Variants in SLC14A2 observed in about 807,000 individuals in gnomAD.
SLC14A2 encodes urea transporter 2.
In SLC14A2, 91 loss-of-function variants were observed where a neutral mutation model predicts 104.6. The ratio of observed to expected loss-of-function variants is 0.87; its 90% CI spans 0.73 to 1.04. The LOEUF (loss-of-function observed/expected upper bound fraction) is 1.04. SLC14A2 is among the 50% of genes least tolerant of loss of function. SLC14A2 has a pLI of 0.00. For missense variants in SLC14A2, 1,189 were observed against 1,156.0 expected (o/e 1.03, Z -0.41); for synonymous variants, 476 against 466.4 (o/e 1.02, Z -0.27).
intron 2 of SLC14A2, among the ~76,000 whole-genome samples, chr18:45,514,091 G>A (rs1216041975): frequency 6.6e-6 from 1 of 152,126 alleles, no homozygotes; most frequent in Admixed American, 6.6e-5. Context: ...TTTTTTCCAA[G>A]GATGATATCA....
Position 45,666,189 on chromosome 18 carries a change from T to C in SLC14A2, c.1527T>C (p.Tyr509=). ...GACAAAACAAAGACCCATTTCCCTATCGATACCGGAAGCCCACAGTCGAGC... is the reference window on the plus strand; with the variant it reads ...GACAAAACAAAGACCCATTTCCCTACCGATACCGGAAGCCCACAGTCGAGC... ...QERQNKDPFP[Y]RYRKPTVELL... The change falls in exon 12 of 20, where the codon TAT becomes TAC. Residue 509 remains tyrosine (Y), a synonymous_variant. Transcript: ENST00000255226. 6.2e-7 allele frequency: 1 copy of C among 1,613,874 alleles called. No individual in the cohort carries two copies. The highest frequency in any genetic ancestry group is 8.5e-7 in the Non-Finnish European group (1 of 1,179,802).
chr18:45,638,929 T>C (rs2045470270), intron 6 of SLC14A2, among the ~76,000 whole-genome samples: 1 of 152,114 alleles, frequency 6.6e-6, no homozygotes, highest in Non-Finnish European at 1.5e-5. Context: ...CCTCCTTTCT[T>C]TTTCTGCCCT....
At chr18:45,203,837 T>C in the SLC14A2 span, among the ~76,000 whole-genome samples, 1 of 152,234 alleles carries the variant, frequency 6.6e-6, no homozygotes, top group African/African-American at 2.4e-5. Flanking sequence ...CCTAATGAAT[T>C]ATGCAGTCTT....
At chr18:45,462,269 A>G (rs1048011993) in intron 1 of SLC14A2, among the ~76,000 whole-genome samples, 1 of 152,216 alleles carries the variant, frequency 6.6e-6, no homozygotes, top group Admixed American at 6.5e-5. Context: ...AACAGCATCA[A>G]AAAGGAAAAT....
intron 1 of SLC14A2, among the ~76,000 whole-genome samples, chr18:45,450,536 ACAGATTAGTGAACAGAAC>A (rs1274409175): frequency 2.0e-5 from 3 of 152,198 alleles, no homozygotes; most frequent in African/African-American, 7.2e-5. Context: ...GATCACAAAT[ACAGATTAGTGAACAGAAC>A]CAGATGAACT....
intron 1 of SLC14A2, among the ~76,000 whole-genome samples, chr18:45,235,115 T>C (rs2084212182): frequency 6.6e-6 from 1 of 152,158 alleles, no homozygotes; most frequent in African/African-American, 2.4e-5. Context: ...ATCAGGCAAA[T>C]GTAAGATGTG....
chr18:45,666,082 G>A, intron 11 of SLC14A2, 55 bp from the exon 12 acceptor site: 1 of 1,202,300 alleles, frequency 8.3e-7, no homozygotes, highest in South Asian at 1.2e-5. Context: ...ATTAGCTTCT[G>A]AGGTGCCAGA....
At position 45,682,708 on chromosome 18, in the gene SLC14A2, A is replaced by G. The variant is rs1228886770; in HGVS notation, c.*189A>G. On this transcript the variant is annotated 3_prime_UTR_variant, in exon 20 of 20. Transcript: ENST00000255226. ...AAGATGCACAACACTTATCAAAGAT[A>G]TGTTTAGTTTAGACTTTATACCCTT... 8 of 595,842 alleles carry G rather than the reference A, an allele frequency of 1.3e-5. No homozygotes were observed. Among genetic ancestry groups the G allele is most frequent in the Non-Finnish European group, 2.1e-5 (7 of 331,912 alleles). The allele number at this position is 595,842 out of a possible 1,614,324, so 36.9% of individuals were successfully genotyped here.
At position 45,238,276 on chromosome 18, in the gene SLC14A2, A is replaced by G. The variant is rs779246512; in HGVS notation, c.-125+25085A>G. On this transcript the variant is annotated intron_variant, in intron 1 of 20. Transcript: ENST00000586448. ...TGCCATGTGCACAGCACTATATAGG[A>G]CACTGAGTGTGAAGGAAGGTGAATA... Among the ~76,000 whole-genome samples the G allele has an allele frequency of 5.9e-5, 9 of 152,314 alleles. No homozygotes were observed. In the South Asian group the frequency reaches 8.3e-4, roughly 14 times the overall value.
At chr18:45,424,301 A>T (rs924270528) in intron 1 of SLC14A2, 1 of 152,210 alleles carries the variant, frequency 6.6e-6, no homozygotes, top group Non-Finnish European at 1.5e-5. Flanking sequence ...CCATATCCTC[A>T]TGTATAAAGG....
chr18:45,209,135 G>A (rs1465506467), upstream of SLC14A2, among the ~76,000 whole-genome samples: 2 of 140,460 alleles, frequency 1.4e-5, no homozygotes, highest in African/African-American at 5.4e-5. Context: ...AGTAGATCGA[G>A]ACCACACTGG....
At chr18:45,664,415 G>A (rs2045981462) in intron 11 of SLC14A2, among the ~76,000 whole-genome samples, 2 of 152,244 alleles carry the variant, frequency 1.3e-5, no homozygotes, top group African/African-American at 4.8e-5. Flanking sequence ...TGAACAAGTG[G>A]AGGCCAGAAA....
At chr18:45,491,798 C>T (rs2043006945) in intron 2 of SLC14A2, among the ~76,000 whole-genome samples, 1 of 152,158 alleles carries the variant, frequency 6.6e-6, no homozygotes, top group South Asian at 2.1e-4. Context: ...TAGTTCTGCA[C>T]ATGATAGTAG....
chr18:45,360,467 ACTT>A (rs2144325937), intron 1 of SLC14A2, among the ~76,000 whole-genome samples: 1 of 152,348 alleles, frequency 6.6e-6, no homozygotes, highest in South Asian at 2.1e-4. Context: ...ATCTCCCCTG[ACTT>A]GTCAAAATCT....
intron 5 of SLC14A2, 97 bp from the exon 6 acceptor site, chr18:45,636,893 G>A: frequency 1.1e-6 from 1 of 881,554 alleles, no homozygotes; most frequent in South Asian, 1.6e-5. Context: ...CTGTGCCTAG[G>A]AGAGGAGGCA....
intron 1 of SLC14A2, among the ~76,000 whole-genome samples, chr18:45,334,982 G>A (rs1402366157): frequency 6.6e-6 from 1 of 152,190 alleles, no homozygotes; most frequent in Non-Finnish European, 1.5e-5. Context: ...TTTGGTGAAT[G>A]AGTGTGCAGT....
At chr18:45,206,978 G>GAATGTGTATTCCCA in the SLC14A2 span, among the ~76,000 whole-genome samples, 3 of 152,188 alleles carry the variant, frequency 2.0e-5, no homozygotes, top group African/African-American at 4.8e-5. Flanking sequence ...TGCCCCAGTA[G>GAATGTGTATTCCCA]GACATGGAAT....
At chr18:45,467,989 C>T (rs1474051436) in intron 1 of SLC14A2, among the ~76,000 whole-genome samples, 1 of 152,080 alleles carries the variant, frequency 6.6e-6, no homozygotes, top group East Asian at 1.9e-4. Flanking sequence ...AGCCACCTGC[C>T]TGTATTCCCA....
chr18:45,194,181 G>A, the SLC14A2 span, among the ~76,000 whole-genome samples: 2 of 152,072 alleles, frequency 1.3e-5, no homozygotes. Flanking sequence ...CTATATGAAT[G>A]CCTTTATTTC....
Sources: allele counts gnomAD v4.1 joint callset (sites outside exome capture counted in the v4.1 genomes callset), GRCh38; gene constraint gnomAD v4.1.1; transcripts MANE v1.5; gene names NCBI Gene and HGNC (gene_info 2026-07-23, HGNC 2026-07-21).